The following SLC2A13 variants were observed in gnomAD, a reference collection of about 807,000 sequenced individuals.
SLC2A13 encodes proton myo-inositol cotransporter.
Under a neutral mutation model 64.4 loss-of-function variants are expected in SLC2A13, and 32 were observed. That is an observed-to-expected ratio of 0.50 (90% CI 0.37 to 0.67). The LOEUF (loss-of-function observed/expected upper bound fraction) is 0.67. SLC2A13 is among the 30% of genes least tolerant of loss of function. The pLI is 0.00. For missense variants in SLC2A13, 743 were observed against 829.2 expected, an observed-to-expected ratio of 0.90 and a Z score of 1.28; for synonymous variants, 338 against 327.1, an observed-to-expected ratio of 1.03 and a Z score of -0.36.
chr12:39,981,056 G>C (rs1376753820), intron 3 of SLC2A13, among the ~76,000 whole-genome samples: 2,151 of 150,830 alleles, frequency 0.014, 17 homozygotes, highest in Middle Eastern at 0.024. Flanking sequence ...AAACTGAACA[G>C]CCTGCTCCTG....
intron 4 of SLC2A13, among the ~76,000 whole-genome samples, chr12:39,921,650 T>A (rs2064093660): frequency 1.3e-5 from 2 of 152,144 alleles, no homozygotes; most frequent in Non-Finnish European, 1.5e-5. Context: ...CTCACAATTC[T>A]GATTTAGCCA....
chr12:39,938,017 G>T (rs761368803), intron 4 of SLC2A13, among the ~76,000 whole-genome samples: 3 of 152,130 alleles, frequency 2.0e-5, no homozygotes, highest in Admixed American at 6.6e-5. Flanking sequence ...TAGCAATTTT[G>T]TGTCTCCAGA....
At chr12:40,008,439 C>A (rs1947461850) in intron 3 of SLC2A13, among the ~76,000 whole-genome samples, 1 of 152,092 alleles carries the variant, frequency 6.6e-6, no homozygotes, top group African/African-American at 2.4e-5. Flanking sequence ...AACCCCGTCT[C>A]TACTGAAAAT....
At chr12:40,004,726 G>A (rs1415959061) in intron 3 of SLC2A13, among the ~76,000 whole-genome samples, 1 of 151,398 alleles carries the variant, frequency 6.6e-6, no homozygotes, top group Non-Finnish European at 1.5e-5. Context: ...GCTTAACTAC[G>A]AATAGCCCAC....
chr12:39,988,446 C>A (rs1409227510), intron 3 of SLC2A13, among the ~76,000 whole-genome samples: 2 of 148,754 alleles, frequency 1.3e-5, no homozygotes, highest in African/African-American at 2.5e-5. Context: ...AGTTATCTTT[C>A]ATGAAACTTG....
chr12:40,070,801 C>T (rs767890553), intron 1 of SLC2A13, among the ~76,000 whole-genome samples: 1 of 152,120 alleles, frequency 6.6e-6, no homozygotes, highest in Non-Finnish European at 1.5e-5. Flanking sequence ...TTTTTTATTG[C>T]AGCATTTTCT....
chr12:39,884,500 A>T (rs1045900286), intron 4 of SLC2A13, among the ~76,000 whole-genome samples: 4 of 152,348 alleles, frequency 2.6e-5, no homozygotes, highest in East Asian at 3.9e-4. Flanking sequence ...AGACATTTTC[A>T]TAGAAAATAA....
chr12:39,909,853 C>A (rs766176093), intron 4 of SLC2A13, among the ~76,000 whole-genome samples: 1 of 149,118 alleles, frequency 6.7e-6, no homozygotes, highest in Non-Finnish European at 1.5e-5. Context: ...ACTCTTCTTA[C>A]AGTTTGTTTT....
intron 4 of SLC2A13, among the ~76,000 whole-genome samples, chr12:39,911,258 G>C (rs1945423651): frequency 6.6e-6 from 1 of 152,012 alleles, no homozygotes; most frequent in South Asian, 2.1e-4. Flanking sequence ...TAAAAAAAAT[G>C]AGTTTTTAAA....
intron 3 of SLC2A13, among the ~76,000 whole-genome samples, chr12:39,968,208 C>A (rs1293016184): frequency 2.6e-5 from 4 of 152,146 alleles, no homozygotes; most frequent in Non-Finnish European, 4.4e-5. Flanking sequence ...ACATGTCCTT[C>A]TTAACATGGT....
At chr12:39,922,941 A>G (rs1288626639) in intron 4 of SLC2A13, among the ~76,000 whole-genome samples, 2 of 152,220 alleles carry the variant, frequency 1.3e-5, no homozygotes, top group African/African-American at 2.4e-5. Flanking sequence ...TAGTCTTATC[A>G]CTGTCCTCAA....
At chr12:40,038,765 A>AGAGAAG (rs1948032508) in intron 2 of SLC2A13, among the ~76,000 whole-genome samples, 1 of 53,106 alleles carries the variant, frequency 1.9e-5, no homozygotes, top group Admixed American at 2.4e-4. Context: ...AAAAAGGGAA[A>AGAGAAG]GGGAAGGGGA....
intron 4 of SLC2A13, among the ~76,000 whole-genome samples, chr12:39,940,142 C>T (rs1362640019): frequency 6.6e-6 from 1 of 152,100 alleles, no homozygotes. Flanking sequence ...GGAAATACTT[C>T]GATGAGTAAA....
chr12:39,817,225 G>A (rs1034607951), intron 7 of SLC2A13, among the ~76,000 whole-genome samples: 1 of 152,182 alleles, frequency 6.6e-6, no homozygotes, highest in Non-Finnish European at 1.5e-5. Context: ...AGTCTCTTTT[G>A]AAAGACTCAA....
intron 7 of SLC2A13, among the ~76,000 whole-genome samples, chr12:39,800,520 G>T (rs1941751295): frequency 8.1e-6 from 1 of 123,766 alleles, no homozygotes; most frequent in South Asian, 3.2e-4. Flanking sequence ...GGCCATCAGA[G>T]AAATGCAAAT....
At chr12:39,879,558 T>A (rs552168185) in intron 4 of SLC2A13, among the ~76,000 whole-genome samples, 1 of 152,378 alleles carries the variant, frequency 6.6e-6, no homozygotes, top group East Asian at 1.9e-4. Context: ...ACAGCCCTGC[T>A]GGGTTTCAAA....
chr12:39,781,500 T>G (rs999588308), intron 7 of SLC2A13, among the ~76,000 whole-genome samples: 1 of 152,236 alleles, frequency 6.6e-6, no homozygotes, highest in Non-Finnish European at 1.5e-5. Flanking sequence ...AATACATATT[T>G]GTTTAATGAA....
chr12:40,014,088 C>A (rs1271249787), intron 3 of SLC2A13, among the ~76,000 whole-genome samples: 2 of 152,012 alleles, frequency 1.3e-5, no homozygotes, highest in African/African-American at 4.8e-5. Flanking sequence ...TTCCTGGAGA[C>A]AAAAGCCTTT....
intron 4 of SLC2A13, among the ~76,000 whole-genome samples, chr12:39,934,156 G>T (rs1333795479): frequency 6.6e-6 from 1 of 152,142 alleles, no homozygotes; most frequent in Non-Finnish European, 1.5e-5. Context: ...TGTGCACACA[G>T]CCTCAAAAAG....
Sources: allele counts gnomAD v4.1 joint callset (sites outside exome capture counted in the v4.1 genomes callset), GRCh38; gene constraint gnomAD v4.1.1; transcripts MANE v1.5; gene names NCBI Gene and HGNC (gene_info 2026-07-23, HGNC 2026-07-21).